The following APP variants were observed in gnomAD, a reference collection of about 807,000 sequenced individuals.
The protein encoded by APP is amyloid-beta precursor protein.
Under a neutral mutation model 101.4 loss-of-function variants are expected in APP, and 31 were observed. The observed-to-expected ratio is 0.31, with a 90% CI of 0.23 to 0.41. The LOEUF is 0.41. APP is among the 10% of genes least tolerant of loss of function. The pLI is 1.00. For missense variants in APP, 839 were observed against 1,003.7 expected, an observed-to-expected ratio of 0.84 and a Z score of 2.22; for synonymous variants, 366 against 364.4, an observed-to-expected ratio of 1.00 and a Z score of -0.05.
chr21:25,976,216 A>G (rs887087152), intron 9 of APP, among the ~76,000 whole-genome samples, 188 bp from the exon 10 acceptor site: 2 of 152,220 alleles, frequency 1.3e-5, no homozygotes, highest in African/African-American at 2.4e-5. Flanking sequence ...TAATCACAGC[A>G]GTATATTAAA....
At chr21:25,926,583 A>G (rs544754579) in intron 13 of APP, among the ~76,000 whole-genome samples, 2 of 152,250 alleles carry the variant, frequency 1.3e-5, no homozygotes, top group South Asian at 4.1e-4. Context: ...AGTTGAACAA[A>G]CTGACATCCA....
rs144585544 is a variant in APP, at chr21:26,010,917, C to T, written c.866-10735G>A. Among the ~76,000 whole-genome samples, 429 of 150,838 alleles carry T rather than the reference C, an allele frequency of 2.8e-3. 6 individuals carry two copies. The highest frequency in any genetic ancestry group is 0.01 in the African/African-American group (412 of 41,074). The stretch of plus-strand genomic sequence containing the variant: ...TGAGGCACACCTGTAATCCCAGGTA[C>T]TCGGAGACAGAGGCAGGTGAATCGC... On this transcript the variant is annotated intron_variant, in intron 6 of 17. Coordinates refer to ENST00000346798, the MANE Select transcript of APP (RefSeq NM_000484.4).
chr21:26,065,623 A>T (rs1379427786), intron 3 of APP, among the ~76,000 whole-genome samples: 1 of 152,208 alleles, frequency 6.6e-6, no homozygotes, highest in Non-Finnish European at 1.5e-5. Context: ...CACAAAGCTA[A>T]TGACAGAGGT....
chr21:25,884,458 T>C (rs1020522863), intron 17 of APP, among the ~76,000 whole-genome samples: 1 of 152,272 alleles, frequency 6.6e-6, no homozygotes, highest in Admixed American at 6.5e-5. Flanking sequence ...TTTCCTTTGC[T>C]GTGCACTGTT....
chr21:26,056,413 A>C (rs1054823713), intron 3 of APP, among the ~76,000 whole-genome samples: 4 of 152,300 alleles, frequency 2.6e-5, no homozygotes, highest in African/African-American at 7.2e-5. Flanking sequence ...GTTGCCTTGG[A>C]TATTAGGAGT....
chr21:26,023,371 A>AT (rs1205640914), intron 5 of APP, among the ~76,000 whole-genome samples: 13 of 133,174 alleles, frequency 9.8e-5, no homozygotes, highest in Middle Eastern at 3.8e-3. Flanking sequence ...CTCCAAAAAA[A>AT]TTAAAAAAAA....
chr21:26,167,248 G>C (rs1363852783), intron 1 of APP, among the ~76,000 whole-genome samples: 1 of 152,132 alleles, frequency 6.6e-6, no homozygotes, highest in Non-Finnish European at 1.5e-5. Flanking sequence ...CAAACTTCCT[G>C]GGAGTAAGGG....
At chr21:26,161,019 T>C (rs555978123) in intron 1 of APP, among the ~76,000 whole-genome samples, 1 of 152,370 alleles carries the variant, frequency 6.6e-6, no homozygotes, top group Admixed American at 6.5e-5. Context: ...TCGCAGTTTC[T>C]TAAATGTTGA....
intron 5 of APP, among the ~76,000 whole-genome samples, chr21:26,027,624 C>G (rs2044636293): frequency 6.6e-6 from 1 of 152,038 alleles, no homozygotes; most frequent in Non-Finnish European, 1.5e-5. Context: ...AAATAGAACT[C>G]AGGGGAAAGG....
chr21:25,955,586 G>C, intron 12 of APP, 41 bp downstream of exon 12: 2 of 1,613,608 alleles, frequency 1.2e-6, no homozygotes, highest in Admixed American at 1.7e-5. Flanking sequence ...AAGAATCCTG[G>C]ATTGTCAAAG....
chr21:26,118,692 A>T (rs1400593873), intron 1 of APP, among the ~76,000 whole-genome samples: 1 of 152,114 alleles, frequency 6.6e-6, no homozygotes, highest in African/African-American at 2.4e-5. Context: ...AGCTGGGACT[A>T]CAGGCGTGCA....
At chr21:26,037,398 A>T (rs1216731043) in intron 5 of APP, among the ~76,000 whole-genome samples, 1 of 152,216 alleles carries the variant, frequency 6.6e-6, no homozygotes, top group Non-Finnish European at 1.5e-5. Context: ...AAGAAATGAT[A>T]CATGCCTGAG....
At chr21:26,075,988 G>A (rs997273362) in intron 3 of APP, among the ~76,000 whole-genome samples, 7 of 152,124 alleles carry the variant, frequency 4.6e-5, no homozygotes, top group African/African-American at 1.7e-4. Flanking sequence ...CCGCTTCCCG[G>A]TTTCAAGTGA....
At chr21:25,949,052 T>C (rs1221499845) in intron 13 of APP, among the ~76,000 whole-genome samples, 1 of 152,218 alleles carries the variant, frequency 6.6e-6, no homozygotes, top group Non-Finnish European at 1.5e-5. Flanking sequence ...CCTGAGGCCA[T>C]TCTTTGCAAG....
intron 11 of APP, among the ~76,000 whole-genome samples, chr21:25,959,819 T>C (rs1170840294): frequency 6.6e-6 from 1 of 152,250 alleles, no homozygotes; most frequent in Non-Finnish European, 1.5e-5. Context: ...TGGTTTCTAG[T>C]GCTAAATTCA....
At chr21:26,121,814 T>G (rs972446939) in intron 1 of APP, among the ~76,000 whole-genome samples, 3 of 152,226 alleles carry the variant, frequency 2.0e-5, no homozygotes, top group African/African-American at 4.8e-5. Context: ...TTAACAGGTT[T>G]CTTTCTGGTT....
intron 3 of APP, among the ~76,000 whole-genome samples, chr21:26,062,320 A>G (rs2046302296): frequency 6.6e-6 from 1 of 151,694 alleles, no homozygotes; most frequent in Non-Finnish European, 1.5e-5. Flanking sequence ...AATAGTGCAA[A>G]GGATTTACTT....
chr21:26,080,203 T>C (rs2061569214), intron 3 of APP, among the ~76,000 whole-genome samples: 1 of 152,174 alleles, frequency 6.6e-6, no homozygotes, highest in Non-Finnish European at 1.5e-5. Flanking sequence ...TGAAAGCAAA[T>C]GACTGGGGTT....
intron 13 of APP, among the ~76,000 whole-genome samples, chr21:25,931,773 G>C (rs942856525): frequency 6.6e-6 from 1 of 152,128 alleles, no homozygotes; most frequent in Admixed American, 6.6e-5. Context: ...AGAAAATATG[G>C]GGGAGAAAGG....
Sources: allele counts gnomAD v4.1 joint callset (sites outside exome capture counted in the v4.1 genomes callset), GRCh38; gene constraint gnomAD v4.1.1; transcripts MANE v1.5; gene names NCBI Gene and HGNC (gene_info 2026-07-23, HGNC 2026-07-21).